Variants in CNTNAP2 observed in about 807,000 individuals in gnomAD.
CNTNAP2 encodes contactin associated protein 2.
Under a neutral mutation model 155.2 loss-of-function variants are expected in CNTNAP2, and 98 were observed. The ratio of observed to expected loss-of-function variants is 0.63; its 90% confidence interval spans 0.54 to 0.75. CNTNAP2 has a LOEUF of 0.75. CNTNAP2 is among the 30% of genes least tolerant of loss of function. The pLI, the probability that CNTNAP2 is intolerant of heterozygous loss-of-function variation, is 0.00. For missense variants in CNTNAP2, 1,727 were observed against 1,688.1 expected (o/e 1.02, Z -0.40); for synonymous variants, 651 against 631.2 (o/e 1.03, Z -0.47).
chr7:147,754,730 A>T (rs1797191021), intron 13 of CNTNAP2, among the ~76,000 whole-genome samples: 1 of 152,210 alleles, frequency 6.6e-6, no homozygotes, highest in Non-Finnish European at 1.5e-5. Flanking sequence ...GAAGAATTTG[A>T]GTAAATAACT....
chr7:148,174,886 T>C (rs1213435302), intron 18 of CNTNAP2, among the ~76,000 whole-genome samples: 1 of 152,104 alleles, frequency 6.6e-6, no homozygotes, highest in Non-Finnish European at 1.5e-5. Context: ...TAGGTATTTG[T>C]CCTAATGCTC....
chr7:146,402,660 A>G (rs1430443911), intron 1 of CNTNAP2, among the ~76,000 whole-genome samples: 1 of 152,014 alleles, frequency 6.6e-6, no homozygotes, highest in South Asian at 2.1e-4. Flanking sequence ...AGAATTTGAA[A>G]AAGTTCCTTA....
chr7:148,073,989 T>A (rs763538006), intron 15 of CNTNAP2, among the ~76,000 whole-genome samples: 4 of 152,204 alleles, frequency 2.6e-5, no homozygotes, highest in Non-Finnish European at 5.9e-5. Context: ...CCCCCATAGA[T>A]AGCGAGAGAT....
At position 146,226,359 on chromosome 7, in the gene CNTNAP2, TA is replaced by T. The variant is rs926767457; in HGVS notation, c.97+109394del. 2.0e-5 allele frequency among the ~76,000 whole-genome samples: 3 copies of T among 152,096 alleles called. 1 individual carries two copies. The highest frequency in any genetic ancestry group is 7.2e-5 in the African/African-American group (3 of 41,516). On this transcript the variant is annotated intron_variant, in intron 1 of 23. Transcript: ENST00000361727. ...GCACTTCATTACATCTGCAAAATTT[TA>T]AAAAAAATTATCCTAGGGCTAGGCA...
intron 13 of CNTNAP2, among the ~76,000 whole-genome samples, chr7:147,815,790 T>C (rs558493873): frequency 5.9e-5 from 9 of 152,306 alleles, no homozygotes; most frequent in African/African-American, 1.9e-4. Flanking sequence ...AATCCACGAA[T>C]AGCTTGTATG....
At chr7:147,838,191 C>T (rs972320950) in intron 13 of CNTNAP2, among the ~76,000 whole-genome samples, 1 of 152,158 alleles carries the variant, frequency 6.6e-6, no homozygotes, top group Admixed American at 6.6e-5. Flanking sequence ...ACACCAATTC[C>T]CTAGACTGCA....
intron 4 of CNTNAP2, among the ~76,000 whole-genome samples, chr7:147,077,741 C>G (rs1310898472): frequency 2.0e-5 from 3 of 152,094 alleles, no homozygotes; most frequent in African/African-American, 7.2e-5. Context: ...CCTCAGTTTT[C>G]TTACCTATAA....
intron 1 of CNTNAP2, among the ~76,000 whole-genome samples, chr7:146,759,244 A>G (rs1802044442): frequency 6.6e-6 from 1 of 152,152 alleles, no homozygotes; most frequent in Non-Finnish European, 1.5e-5. Context: ...AGATGCCCAG[A>G]GCATTTCTTT....
At chr7:147,978,380 T>C (rs1007408321) in intron 15 of CNTNAP2, among the ~76,000 whole-genome samples, 2 of 152,160 alleles carry the variant, frequency 1.3e-5, no homozygotes, top group African/African-American at 2.4e-5. Context: ...ATATAAATAG[T>C]AGCATTATGG....
chr7:147,375,284 AT>A (rs1439233514), intron 9 of CNTNAP2, among the ~76,000 whole-genome samples: 2 of 115,606 alleles, frequency 1.7e-5, no homozygotes, highest in Non-Finnish European at 3.8e-5. Context: ...TATTTTCTCT[AT>A]TTAAGAGATG....
intron 3 of CNTNAP2, among the ~76,000 whole-genome samples, chr7:146,847,606 G>T (rs1432204245): frequency 6.6e-6 from 1 of 151,980 alleles, no homozygotes; most frequent in African/African-American, 2.4e-5. Flanking sequence ...TAGTATATTG[G>T]CTCTTTTCTT....
intron 7 of CNTNAP2, 54 bp downstream of exon 7, chr7:147,128,890 TG>T: frequency 6.2e-7 from 1 of 1,609,006 alleles, no homozygotes; most frequent in Non-Finnish European, 8.5e-7. Flanking sequence ...GTAACATTTT[TG>T]TTTTTTGGAT....
intron 12 of CNTNAP2, among the ~76,000 whole-genome samples, chr7:147,592,782 T>A (rs1800764077): frequency 6.6e-6 from 1 of 152,196 alleles, no homozygotes. Flanking sequence ...GAAATTTTCA[T>A]TAAGCCCCTC....
chr7:147,363,838 C>T (rs1796183404), intron 9 of CNTNAP2, among the ~76,000 whole-genome samples: 1 of 152,232 alleles, frequency 6.6e-6, no homozygotes, highest in Non-Finnish European at 1.5e-5. Flanking sequence ...ACATCTAGCA[C>T]ATGCAGTTTT....
chr7:147,592,712 G>A (rs1431417675), intron 12 of CNTNAP2, among the ~76,000 whole-genome samples: 1 of 151,764 alleles, frequency 6.6e-6, no homozygotes. Flanking sequence ...ACATTTTCAC[G>A]ACAAGAACAA....
At chr7:147,788,966 G>A (rs7800992) in intron 13 of CNTNAP2, among the ~76,000 whole-genome samples, 29,485 of 139,114 alleles carry the variant, frequency 0.21, 3,276 homozygotes, top group Middle Eastern at 0.37. Flanking sequence ...GTAAAGTGGT[G>A]TGATCTTGGC....
intron 22 of CNTNAP2, among the ~76,000 whole-genome samples, chr7:148,386,061 C>G (rs1010608272): frequency 9.9e-5 from 15 of 152,150 alleles, no homozygotes; most frequent in Non-Finnish European, 5.9e-5. Flanking sequence ...ATATAGGGAA[C>G]ATATCTGTAT....
chr7:147,597,397 G>A (rs895789526), intron 12 of CNTNAP2, among the ~76,000 whole-genome samples: 18 of 151,984 alleles, frequency 1.2e-4, no homozygotes, highest in Non-Finnish European at 2.5e-4. Flanking sequence ...GTTTTGACAC[G>A]GTCCATGTTC....
chr7:147,877,088 G>A (rs530293324), intron 13 of CNTNAP2, among the ~76,000 whole-genome samples: 21 of 152,218 alleles, frequency 1.4e-4, no homozygotes, highest in African/African-American at 3.4e-4. Context: ...GGAGTTTTTC[G>A]GTTATTTTTG....
Sources: allele counts gnomAD v4.1 joint callset (sites outside exome capture counted in the v4.1 genomes callset), GRCh38; gene constraint gnomAD v4.1.1; transcripts MANE v1.5; gene names NCBI Gene and HGNC (gene_info 2026-07-23, HGNC 2026-07-21).